KCNH1: variants seen among roughly 807,000 people sequenced by gnomAD.
KCNH1 encodes the protein voltage-gated delayed rectifier potassium channel KCNH1.
KCNH1 carries 27 observed loss-of-function variants against 69.2 expected under a neutral mutation model. That is an observed-to-expected ratio of 0.39 (90% CI 0.29 to 0.54). KCNH1 has a LOEUF of 0.54. KCNH1 is among the 20% of genes least tolerant of loss of function. KCNH1 has a pLI of 0.68. For missense variants in KCNH1, 798 were observed against 1,261.6 expected, an observed-to-expected ratio of 0.63 and a Z score of 5.57; for synonymous variants, 456 against 487.7, an observed-to-expected ratio of 0.93 and a Z score of 0.86.
chr1:211,083,064 A>T (rs2102467443), intron 4 of KCNH1, among the ~76,000 whole-genome samples, 166 bp from the exon 5 acceptor site: 1 of 152,364 alleles, frequency 6.6e-6, no homozygotes, highest in East Asian at 1.9e-4. Flanking sequence ...TCCGTAAAGC[A>T]CCTTGTGTGT....
intron 5 of KCNH1, among the ~76,000 whole-genome samples, chr1:211,045,796 T>C (rs1690086183): frequency 6.6e-6 from 1 of 152,218 alleles, no homozygotes; most frequent in South Asian, 2.1e-4. Context: ...TTATGTATCT[T>C]GTATAAGTGA....
intron 7 of KCNH1, among the ~76,000 whole-genome samples, chr1:210,805,975 T>C (rs1311025139): frequency 6.6e-6 from 1 of 152,234 alleles, no homozygotes; most frequent in East Asian, 1.9e-4. Context: ...CATTTATCCA[T>C]TCATCAGTTC....
chr1:210,916,252 A>G (rs1253249899), intron 7 of KCNH1, among the ~76,000 whole-genome samples: 2 of 152,204 alleles, frequency 1.3e-5, no homozygotes, highest in Non-Finnish European at 2.9e-5. Flanking sequence ...TTTGGAGTAT[A>G]AGTTTACAAG....
chr1:210,679,958 CATGAATGCAATGAGTTGCATTA>C lies in KCNH1; in HGVS notation c.*3301_*3322del, dbSNP rs1297669317. ...TTGCATTAATGCAATGAGTTGCATTCATGAATGCAATGAGTTGCATTAATTGTACACTAGACAATTTGGTTTC... is the reference window on the plus strand; with the variant it reads ...TTGCATTAATGCAATGAGTTGCATTCATTGTACACTAGACAATTTGGTTTC... On this transcript the variant is annotated 3_prime_UTR_variant, in exon 11 of 11. Transcript: ENST00000271751. The C allele has an allele frequency of 1.3e-5, 2 of 148,966 alleles. No homozygotes were observed. The highest frequency in any genetic ancestry group is 2.5e-5 in the African/African-American group (1 of 40,022). The allele number at this position is 148,966 out of a possible 1,614,324, so 9.2% of individuals were successfully genotyped here.
chr1:210,974,875 T>C (rs1199911679), intron 6 of KCNH1, among the ~76,000 whole-genome samples: 13 of 152,140 alleles, frequency 8.5e-5, no homozygotes, highest in Non-Finnish European at 1.5e-5. Context: ...CCTCCTCTAC[T>C]TTAAGAGTTT....
intron 8 of KCNH1, among the ~76,000 whole-genome samples, chr1:210,799,140 T>G (rs1245844363): frequency 6.6e-6 from 1 of 152,152 alleles, no homozygotes; most frequent in Admixed American, 6.5e-5. Context: ...TAGGCAAAGT[T>G]GAACAGGGTT....
At chr1:210,702,432 T>C (rs1681804245) in intron 10 of KCNH1, among the ~76,000 whole-genome samples, 1 of 152,246 alleles carries the variant, frequency 6.6e-6, no homozygotes. Flanking sequence ...TTATCTTCTA[T>C]AAGATTTCTT....
At chr1:210,869,057 T>G (rs1433071708) in intron 7 of KCNH1, among the ~76,000 whole-genome samples, 1 of 152,146 alleles carries the variant, frequency 6.6e-6, no homozygotes, top group Non-Finnish European at 1.5e-5. Context: ...GTTGACAGTT[T>G]GCTGTTTTTG....
intron 8 of KCNH1, among the ~76,000 whole-genome samples, chr1:210,799,326 A>T (rs1238811224): frequency 6.6e-6 from 1 of 152,198 alleles, no homozygotes; most frequent in East Asian, 1.9e-4. Context: ...CAAACTAGGT[A>T]GCTTGACATT....
intron 7 of KCNH1, among the ~76,000 whole-genome samples, chr1:210,815,488 C>T (rs536526241): frequency 6.6e-6 from 1 of 152,128 alleles, no homozygotes; most frequent in South Asian, 2.1e-4. Flanking sequence ...CCAGCGGAAC[C>T]GAGTAGCCCC....
At chr1:210,950,238 C>CT (rs1473734944) in intron 6 of KCNH1, among the ~76,000 whole-genome samples, 2 of 149,522 alleles carry the variant, frequency 1.3e-5, no homozygotes, top group African/African-American at 2.5e-5. Flanking sequence ...TTTAATTATA[C>CT]TTTAAGTTTT....
At chr1:210,860,555 T>A in intron 7 of KCNH1, 1 of 859,566 alleles carries the variant, frequency 1.2e-6, no homozygotes, top group Non-Finnish European at 2.0e-6. Flanking sequence ...TCTACTGCAA[T>A]AGGAGTAACT....
chr1:210,808,240 G>A (rs559806309), intron 7 of KCNH1, among the ~76,000 whole-genome samples: 1 of 152,302 alleles, frequency 6.6e-6, no homozygotes, highest in South Asian at 2.1e-4. Flanking sequence ...AAGAGTAGAT[G>A]TGCCTCTTTT....
intron 1 of KCNH1, among the ~76,000 whole-genome samples, chr1:211,113,530 TA>T (rs1691509722): frequency 2.0e-5 from 3 of 152,134 alleles, no homozygotes; most frequent in Non-Finnish European, 4.4e-5. Context: ...CCAATTTCTA[TA>T]ACAGTCCTGC....
chr1:210,772,014 T>C (rs974441053), intron 10 of KCNH1, among the ~76,000 whole-genome samples: 1 of 152,210 alleles, frequency 6.6e-6, no homozygotes, highest in Non-Finnish European at 1.5e-5. Context: ...GTGATGTTCA[T>C]ACCCTTGGAT....
At chr1:210,845,309 C>G (rs1685514241) in intron 7 of KCNH1, among the ~76,000 whole-genome samples, 1 of 152,212 alleles carries the variant, frequency 6.6e-6, no homozygotes, top group South Asian at 2.1e-4. Context: ...CCTTGATGAA[C>G]ATCGATGCAA....
chr1:211,089,212 A>G (rs1315775158), intron 4 of KCNH1, among the ~76,000 whole-genome samples: 1 of 152,224 alleles, frequency 6.6e-6, no homozygotes, highest in Non-Finnish European at 1.5e-5. Flanking sequence ...TAAAAAAGCA[A>G]CTGGCCTTTC....
intron 6 of KCNH1, among the ~76,000 whole-genome samples, chr1:210,984,248 A>C (rs1688780375): frequency 6.6e-6 from 1 of 152,090 alleles, no homozygotes; most frequent in South Asian, 2.1e-4. Context: ...CTCTTTTCCT[A>C]ATTGAATACC....
chr1:210,964,330 A>G (rs1190676726), intron 6 of KCNH1, among the ~76,000 whole-genome samples: 1 of 152,186 alleles, frequency 6.6e-6, no homozygotes, highest in Non-Finnish European at 1.5e-5. Context: ...CCACTGCAAA[A>G]TCATGCCAAA....
Sources: gnomAD v4.1 joint callset for allele counts (sites outside exome capture counted in the v4.1 genomes callset) on GRCh38, gnomAD v4.1.1 for gene constraint, MANE v1.5 for transcripts, NCBI Gene and HGNC (gene_info 2026-07-23, HGNC 2026-07-21) for gene names.